The following NT5C2 variants were observed in gnomAD, a reference collection of about 807,000 sequenced individuals.
The protein encoded by NT5C2 is 5'-nucleotidase, cytosolic II, also known as cytosolic purine 5'-nucleotidase.
Under a neutral mutation model 76.1 loss-of-function variants are expected in NT5C2, and 58 were observed. The observed-to-expected ratio is 0.76, with a 90% CI of 0.62 to 0.95. The LOEUF (loss-of-function observed/expected upper bound fraction) is 0.95, where lower values mean the gene tolerates loss of function less well. Among genes scored for constraint, NT5C2 ranks in the 40% least tolerant of loss-of-function variants. NT5C2 has a pLI of 0.00. For missense variants in NT5C2, 478 were observed against 690.3 expected, an observed-to-expected ratio of 0.69 and a Z score of 3.45; for synonymous variants, 229 against 237.4, an observed-to-expected ratio of 0.96 and a Z score of 0.32.
At chr10:103,170,279 C>T (rs928602402) in intron 3 of NT5C2, among the ~76,000 whole-genome samples, 2 of 152,118 alleles carry the variant, frequency 1.3e-5, no homozygotes, top group Admixed American at 6.6e-5. Context: ...TACTGCACTG[C>T]AGCCTAGGCA....
chr10:103,128,255 C>T (rs1274338878), intron 4 of NT5C2, among the ~76,000 whole-genome samples: 1 of 150,918 alleles, frequency 6.6e-6, no homozygotes, highest in Non-Finnish European at 1.5e-5. Context: ...TTGGTGGAGA[C>T]GGGGTTTCGC....
In NT5C2 at chr10:103,172,247, AT is replaced by A. The variant is rs34644789; in HGVS notation, c.101+2610del. 2.8e-3 allele frequency among the ~76,000 whole-genome samples: 392 copies of A among 141,090 alleles called. 2 individuals carry two copies. The highest frequency in any genetic ancestry group is 5.0e-3 in the Admixed American group (70 of 14,006). 92.6% of individuals were successfully genotyped at this position (141,090 alleles called of 152,430 possible). On this transcript the variant is annotated intron_variant, in intron 3 of 18. Coordinates refer to ENST00000404739, the MANE Select transcript of NT5C2 (RefSeq NM_001351169.2). Reference sequence around the variant, plus strand: ...AATTTAAATACAATTTTAACTTTAAATTTTTTTTTTTTTTTTTGAGACGGAG... The same window carrying A: ...AATTTAAATACAATTTTAACTTTAAATTTTTTTTTTTTTTTTGAGACGGAG...
intron 5 of NT5C2, 70 bp from the exon 6 acceptor site, chr10:103,105,871 A>T: frequency 9.4e-7 from 1 of 1,058,732 alleles, no homozygotes; most frequent in Non-Finnish European, 1.5e-6. Context: ...AGTAGTATTT[A>T]ATCATCATGA....
intron 4 of NT5C2, among the ~76,000 whole-genome samples, chr10:103,110,170 C>CACACCTGTAATCCCAGCACTT (rs1458538342): frequency 6.6e-6 from 1 of 152,120 alleles, no homozygotes; most frequent in Non-Finnish European, 1.5e-5. Flanking sequence ...AGTGGTAACT[C>CACACCTGTAATCCCAGCACTT]ACACCTGTAA....
At chr10:103,173,611 CAA>C (rs1323084034) in intron 3 of NT5C2, among the ~76,000 whole-genome samples, 11 of 43,178 alleles carry the variant, frequency 2.5e-4, no homozygotes, top group Admixed American at 5.9e-4. Context: ...GACGCCGTCT[CAA>C]AAAAAAAAAA....
chr10:103,132,909 T>C (rs946897373), intron 4 of NT5C2, among the ~76,000 whole-genome samples: 3 of 152,094 alleles, frequency 2.0e-5, no homozygotes, highest in Non-Finnish European at 4.4e-5. Context: ...AATGAACTAC[T>C]TACTGGTAGA....
chr10:103,169,359 G>C (rs976334274), intron 3 of NT5C2: 2 of 152,068 alleles, frequency 1.3e-5, no homozygotes, highest in Non-Finnish European at 2.9e-5. Context: ...GCTCACACTT[G>C]TAATCCCAGC....
At position 103,095,949 on chromosome 10, in the gene NT5C2, T is replaced by C. The variant is rs771861546; in HGVS notation, c.803A>G (p.His268Arg). The C allele has an allele frequency of 6.8e-6, 11 of 1,613,426 alleles. No homozygotes were observed. The highest frequency in any genetic ancestry group is 9.3e-6 in the Non-Finnish European group (11 of 1,179,520). The change falls in exon 12 of 19, where the codon CAT becomes CGT. Residue 268 changes from histidine to arginine, a missense_variant. Coordinates refer to ENST00000404739, the MANE Select transcript of NT5C2 (RefSeq NM_001351169.2). ...AGTCACATACGGTACCTTGGGGCCA[T>C]GTGGGAAGTCAAACAGGTAAGTCAT... is the stretch of plus-strand genomic sequence containing the variant. Reference protein sequence around the residue: ...KIMTYLFDFPHGPKPGSSHRP... With the variant: ...KIMTYLFDFPRGPKPGSSHRP...
At chr10:103,192,642 T>C (rs943491738) in intron 1 of NT5C2, among the ~76,000 whole-genome samples, 3 of 152,054 alleles carry the variant, frequency 2.0e-5, no homozygotes, top group African/African-American at 7.2e-5. Context: ...CACACGGGCG[T>C]GTGGCAAACG....
intron 2 of NT5C2, chr10:103,175,634 G>A (rs534102127): frequency 4.5e-6 from 1 of 220,188 alleles, no homozygotes; most frequent in East Asian, 9.8e-5. Context: ...AAAGGCCAAC[G>A]GACAAGACGA....
At chr10:103,097,147 A>G (rs2068407380) in intron 11 of NT5C2, 144 bp downstream of exon 11, 1 of 554,996 alleles carries the variant, frequency 1.8e-6, no homozygotes, top group South Asian at 3.0e-5. Flanking sequence ...GTTATCCTGT[A>G]TATTTTTGCC....
intron 1 of NT5C2, among the ~76,000 whole-genome samples, chr10:103,192,747 G>A (rs528972202): frequency 1.4e-3 from 214 of 152,370 alleles, no homozygotes; most frequent in African/African-American, 5.0e-3. Flanking sequence ...AGGAGCTCTG[G>A]GGGCGGGGAG....
chr10:103,106,603 AG>A lies in NT5C2; in HGVS notation c.278del (p.Ser93LeufsTer18), dbSNP rs1357150145. 1.9e-6 allele frequency: 3 copies of A among 1,606,428 alleles called. No individual in the cohort carries two copies. The highest frequency in any genetic ancestry group is 1.3e-5 in the African/African-American group (1 of 74,774). On this transcript the variant is annotated frameshift_variant, in exon 5 of 19. Transcript: ENST00000404739. LOFTEE classifies it high-confidence loss of function. ...TTAAAAATTACCTGGTAGGGAATGT[AG>A]AATCATAAGCAAAGCTGAGCAACTC... ...PQELLSFAYD[S>X]TFPTRGLVFD...
chr10:103,176,252 G>A (rs1051669941), intron 2 of NT5C2, among the ~76,000 whole-genome samples: 2 of 152,096 alleles, frequency 1.3e-5, no homozygotes, highest in African/African-American at 4.8e-5. Context: ...TCTCCCATCA[G>A]CGATCTGGTT....
intron 4 of NT5C2, among the ~76,000 whole-genome samples, chr10:103,122,414 T>C (rs544386827): frequency 2.6e-4 from 39 of 152,264 alleles, no homozygotes; most frequent in Non-Finnish European, 4.6e-4. Flanking sequence ...TCTTTGTTTA[T>C]GGGTTTTTGT....
chr10:103,185,085 C>T (rs1340053317), intron 1 of NT5C2, among the ~76,000 whole-genome samples: 1 of 152,128 alleles, frequency 6.6e-6, no homozygotes, highest in Non-Finnish European at 1.5e-5. Flanking sequence ...TATATTTGTT[C>T]TACATCAACA....
At chr10:103,138,676 T>C (rs2079787485) in intron 4 of NT5C2, among the ~76,000 whole-genome samples, 1 of 152,208 alleles carries the variant, frequency 6.6e-6, no homozygotes, top group African/African-American at 2.4e-5. Context: ...TGTGCAATCA[T>C]TTCAATGGAA....
chr10:103,183,547 G>C (rs1333090782), intron 1 of NT5C2, among the ~76,000 whole-genome samples: 1 of 118,852 alleles, frequency 8.4e-6, no homozygotes, highest in Non-Finnish European at 1.6e-5. Context: ...AGTCTCTTTC[G>C]CTCTGTCTTC....
intron 4 of NT5C2, among the ~76,000 whole-genome samples, chr10:103,127,683 C>T (rs2076920813): frequency 6.6e-6 from 1 of 152,198 alleles, no homozygotes; most frequent in Non-Finnish European, 1.5e-5. Flanking sequence ...TCCCACAGTA[C>T]CCAGTAACAC....
Sources: allele counts gnomAD v4.1 joint callset (sites outside exome capture counted in the v4.1 genomes callset), GRCh38; gene constraint gnomAD v4.1.1; transcripts MANE v1.5; gene names NCBI Gene and HGNC (gene_info 2026-07-23, HGNC 2026-07-21).